Variants in ULK4 observed in about 807,000 individuals in gnomAD.
ULK4 encodes inactive serine/threonine-protein kinase ULK4.
ULK4 carries 133 observed loss-of-function variants against 160.6 expected under a neutral mutation model. That is an observed-to-expected ratio of 0.83 (90% CI 0.72 to 0.96). The LOEUF (loss-of-function observed/expected upper bound fraction) is 0.96. Ranked by LOEUF, ULK4 falls within the 40% of genes least tolerant of loss-of-function variation. The pLI is 0.00. For missense variants in ULK4, 1,580 were observed against 1,499.5 expected, an observed-to-expected ratio of 1.05 and a Z score of -0.89; for synonymous variants, 534 against 539.8, an observed-to-expected ratio of 0.99 and a Z score of 0.15.
rs1027169039 is a variant in ULK4, at chr3:41,663,220, C to CA, written c.3071+386dup. Among the ~76,000 whole-genome samples the CA allele has an allele frequency of 5.5e-3, 734 of 132,996 alleles. 4 individuals are homozygous for CA. The highest frequency in any genetic ancestry group is 0.01 in the Admixed American group (138 of 13,168). The allele number at this position is 132,996 out of a possible 152,430, so 87.3% of individuals were successfully genotyped here. On this transcript the variant is annotated intron_variant, in intron 30 of 36. Transcript: ENST00000301831. ...TGGGTGACAGAGTAAGACTCCATCT[C>CA]AAAAAAAAAAAGAAAAGTATGTCAA...
At chr3:41,432,609 A>G (rs1427779948) in intron 34 of ULK4, among the ~76,000 whole-genome samples, 1 of 152,178 alleles carries the variant, frequency 6.6e-6, no homozygotes, top group Admixed American at 6.5e-5. Flanking sequence ...CAAGGAGATG[A>G]TATTTTCATA....
intron 34 of ULK4, among the ~76,000 whole-genome samples, chr3:41,410,689 T>C (rs1017249818): frequency 5.9e-5 from 9 of 152,208 alleles, no homozygotes; most frequent in Non-Finnish European, 1.0e-4. Flanking sequence ...TAAAAAATGC[T>C]AATTGTACAC....
At chr3:41,601,373 C>T (rs2032049799) in intron 31 of ULK4, among the ~76,000 whole-genome samples, 1 of 152,144 alleles carries the variant, frequency 6.6e-6, no homozygotes, top group Non-Finnish European at 1.5e-5. Context: ...GAAGACACAT[C>T]TCCTTTATGG....
intron 17 of ULK4, among the ~76,000 whole-genome samples, chr3:41,841,606 C>T (rs1216491355): frequency 1.3e-5 from 2 of 152,118 alleles, no homozygotes; most frequent in Non-Finnish European, 2.9e-5. Context: ...TCTGCCAGGC[C>T]GCCCCATCTG....
Position 41,566,136 on chromosome 3 carries a change from A to G in ULK4, c.3121-6T>C. The G allele has an allele frequency of 6.2e-7, 1 of 1,604,510 alleles. No individual in the cohort carries two copies. Among genetic ancestry groups the G allele is most frequent in the Non-Finnish European group, 8.5e-7 (1 of 1,173,942 alleles). ...AGAATGCTCTCCTGATGTTCCTGCA[A>G]TAGATCATAATTTCCATCATAACCA... On this transcript the variant is annotated splice_region_variant and splice_polypyrimidine_tract_variant and intron_variant, in intron 31 of 36. Transcript: ENST00000301831.
At chr3:41,498,138 A>T (rs1371324648) in intron 32 of ULK4, among the ~76,000 whole-genome samples, 2 of 152,242 alleles carry the variant, frequency 1.3e-5, no homozygotes, top group African/African-American at 4.8e-5. Flanking sequence ...CTTTAAGAAA[A>T]ACTAAATGCC....
intron 18 of ULK4, among the ~76,000 whole-genome samples, chr3:41,831,531 A>ATATATATATTTTTTTTTTTTTTT: frequency 7.2e-6 from 1 of 138,066 alleles, no homozygotes; most frequent in South Asian, 2.3e-4. Flanking sequence ...ATATATATAT[A>ATATATATATTTTTTTTTTTTTTT]TTTTTTTTTC....
intron 18 of ULK4, among the ~76,000 whole-genome samples, chr3:41,833,356 C>T (rs926707059): frequency 4.0e-5 from 6 of 150,424 alleles, no homozygotes; most frequent in African/African-American, 7.3e-5. Context: ...AGGGCAGTGG[C>T]GCAATCTCGG....
intron 17 of ULK4, among the ~76,000 whole-genome samples, chr3:41,878,675 T>TAAAAAAAAAAA (rs33987084): frequency 1.0e-5 from 1 of 95,934 alleles, no homozygotes; most frequent in Non-Finnish European, 2.0e-5. Context: ...TTAAAACTGT[T>TAAAAAAAAAAA]AAAAAAAAAA....
chr3:41,683,975 G>A (rs1191783894), intron 27 of ULK4, among the ~76,000 whole-genome samples: 2 of 152,148 alleles, frequency 1.3e-5, no homozygotes, highest in Non-Finnish European at 2.9e-5. Context: ...CACAGTTTGC[G>A]TCACTCACGT....
At chr3:41,895,313 T>C (rs1698116476) in intron 16 of ULK4, among the ~76,000 whole-genome samples, 1 of 152,162 alleles carries the variant, frequency 6.6e-6, no homozygotes, top group Non-Finnish European at 1.5e-5. Flanking sequence ...CCCAGAATTG[T>C]ATTTGTAATA....
chr3:41,271,177 C>T (rs1189845346), intron 35 of ULK4, among the ~76,000 whole-genome samples: 2 of 152,098 alleles, frequency 1.3e-5, no homozygotes, highest in African/African-American at 4.8e-5. Context: ...ATATATCCAT[C>T]ATTCCTCATG....
chr3:41,626,717 G>A (rs962911557), intron 30 of ULK4, among the ~76,000 whole-genome samples: 14 of 151,748 alleles, frequency 9.2e-5, no homozygotes, highest in African/African-American at 3.1e-4. Flanking sequence ...TAGTAGAGAC[G>A]GGGTTTCACC....
intron 32 of ULK4, among the ~76,000 whole-genome samples, chr3:41,493,444 T>C (rs1248881049): frequency 1.3e-4 from 17 of 130,332 alleles, no homozygotes; most frequent in East Asian, 2.0e-4. Context: ...TAGAGGGAAA[T>C]TTATAGCACT....
intron 33 of ULK4, among the ~76,000 whole-genome samples, chr3:41,457,386 C>T (rs1459701364): frequency 6.6e-6 from 1 of 152,140 alleles, no homozygotes; most frequent in African/African-American, 2.4e-5. Flanking sequence ...CAAGAAACAT[C>T]GACCCAGCCT....
chr3:41,715,533 G>C lies in ULK4; in HGVS notation c.2491C>G (p.Arg831Gly), dbSNP rs555915240. The C allele has an allele frequency of 2.2e-5, 36 of 1,614,020 alleles. No individual in the cohort carries two copies. The South Asian group carries it at 3.1e-4, about 14-fold the overall frequency. The change falls in exon 24 of 37, where the codon CGT becomes GGT. Residue 831 changes from arginine (R) to glycine (G), a missense_variant. Transcript: ENST00000301831. ...ACTTGAACTGTTGATGGGTGTTTAC[G>C]TCCAGAAACATTAGCCAAGGAGTTA... ...ILNSLANVSG[R>G]KHPSTVQVKQ...
chr3:41,786,104 C>T (rs1270076740), intron 21 of ULK4, among the ~76,000 whole-genome samples: 2 of 152,216 alleles, frequency 1.3e-5, no homozygotes, highest in African/African-American at 4.8e-5. Context: ...CTGCCCCTAA[C>T]AGTCACTCTA....
rs557606634 is a variant in ULK4 at position 41,642,829 on chromosome 3, C to T, written c.3071+20778G>A. On this transcript the variant is annotated intron_variant, in intron 30 of 36. Coordinates refer to ENST00000301831, the MANE Select transcript of ULK4 (RefSeq NM_017886.4). ...CAACAGTGTAAAAGTGTTCCTATTT[C>T]TCCACCTCCTCTCCAGCACCTGTTG... Among the ~76,000 whole-genome samples, 532 of 152,334 alleles carry T rather than the reference C, an allele frequency of 3.5e-3. 1 individual carries two copies. The highest frequency in any genetic ancestry group is 5.3e-3 in the Non-Finnish European group (361 of 68,026).
intron 5 of ULK4, among the ~76,000 whole-genome samples, chr3:41,926,788 C>A (rs1364057575): frequency 6.7e-6 from 1 of 149,542 alleles, no homozygotes; most frequent in Non-Finnish European, 1.5e-5. Context: ...AGCGAAAAGA[C>A]AAGGTTAGAG....
Sources: allele counts gnomAD v4.1 joint callset (sites outside exome capture counted in the v4.1 genomes callset), GRCh38; gene constraint gnomAD v4.1.1; transcripts MANE v1.5; gene names NCBI Gene and HGNC (gene_info 2026-07-23, HGNC 2026-07-21).